ATXN7L3: variants seen among roughly 807,000 people sequenced by gnomAD.
The protein encoded by ATXN7L3 is ataxin-7-like protein 3.
Under a neutral mutation model 50.0 loss-of-function variants are expected in ATXN7L3, and 6 were observed. That is an observed-to-expected ratio of 0.12 (90% CI 0.07 to 0.24). The LOEUF is 0.24. ATXN7L3 is among the 10% of genes least tolerant of loss of function. ATXN7L3 has a pLI of 1.00. For synonymous variants in ATXN7L3, 198 were observed against 165.8 expected, an observed-to-expected ratio of 1.19 and a Z score of -1.49; for missense variants, 322 against 451.3, an observed-to-expected ratio of 0.71 and a Z score of 2.60.
chr17:44,194,443 A>G (rs889848943), intron 12 of ATXN7L3, 32 bp from the exon 13 acceptor site: 3 of 1,613,774 alleles, frequency 1.9e-6, no homozygotes, highest in African/African-American at 1.3e-5. Flanking sequence ...GGATGAGAGT[A>G]TGGTTATGGC....
chr17:44,197,464 T>A lies in ATXN7L3; in HGVS notation c.185-65A>T, dbSNP rs2055951547. 9.6e-6 allele frequency: 15 copies of A among 1,569,992 alleles called. No homozygotes were observed. The South Asian group carries it at 1.7e-4, about 17-fold the overall frequency. ...CCTCTCCTCTTGTTCCCACCTGGGG[T>A]CCCACGGCCTCTTCAATCCCTCCCC... On this transcript the variant is annotated intron_variant, in intron 3 of 12. Coordinates refer to ENST00000587097, the MANE Select transcript of ATXN7L3 (RefSeq NM_001382309.1).
At position 44,197,853 on chromosome 17, in the gene ATXN7L3, T is replaced by C. The variant is rs1045742812; in HGVS notation, c.52-123A>G. On this transcript the variant is annotated intron_variant, in intron 2 of 12. Transcript: ENST00000587097. ...TGCTTTCTTTGCCATTTTCCCCATC[T>C]TGACTTCGTGTTCTTTCTTCTTCCT... is the stretch of plus-strand genomic sequence containing the variant. 12 of 1,541,156 alleles carry C rather than the reference T, an allele frequency of 7.8e-6. No homozygotes were observed. In the African/African-American group the frequency reaches 1.5e-4, roughly 19 times the overall value.
rs1598193903 is a variant in ATXN7L3, at chr17:44,193,846, T to A, written c.*417A>T. The A allele has an allele frequency of 5.3e-6, 1 of 190,304 alleles. No homozygotes were observed. Among genetic ancestry groups the A allele is most frequent in the East Asian group, 1.5e-4 (1 of 6,642 alleles). 11.8% of individuals were successfully genotyped at this position (190,304 alleles called of 1,614,324 possible). ...CTGAGGGCGGCCGAGGCAGGCCCCC[T>A]CCAGGCTCAGCTTCCAACCCACAGC... On this transcript the variant is annotated 3_prime_UTR_variant, in exon 13 of 13. Transcript: ENST00000587097.
intron 6 of ATXN7L3, 137 bp downstream of exon 6, chr17:44,196,238 CTTCCCCACCCACACTCCCCCG>C: frequency 1.3e-6 from 1 of 768,470 alleles, no homozygotes; most frequent in Non-Finnish European, 2.1e-6. Flanking sequence ...CCCCACCCCC[CTTCCCCACCCACACTCCCCCG>C]CCCCGGACCC....
intron 1 of ATXN7L3, chr17:44,199,288 A>C: frequency 6.8e-6 from 1 of 147,594 alleles, no homozygotes; most frequent in East Asian, 2.2e-4. Flanking sequence ...TGCCCCGCCC[A>C]AGGGGGACCC....
intron 3 of ATXN7L3, 64 bp from the exon 4 acceptor site, chr17:44,197,463 G>A (rs2055951400): frequency 1.3e-6 from 2 of 1,571,426 alleles, no homozygotes; most frequent in Non-Finnish European, 1.7e-6. Context: ...CCCACCTGGG[G>A]TCCCACGGCC....
chr17:44,197,692 A>C lies in ATXN7L3; in HGVS notation c.90T>G (p.Asp30Glu). Reference sequence around the variant, plus strand: ...CCTCAAAGCAGAATCCCAAACAAGAATCCTCGACCAGGTCCGCGTATATCT... The same window carrying C: ...CCTCAAAGCAGAATCCCAAACAAGACTCCTCGACCAGGTCCGCGTATATCT... ...AQEIYADLVE[D>E]SCLGFCFEVH... is the part of the protein sequence containing the mutation. The change falls in exon 3 of 13, where the codon GAT becomes GAG. Residue 30 changes from aspartate to glutamate, a missense_variant. Asp to Glu is a conservative substitution (Grantham distance 45, BLOSUM62 2). Transcript: ENST00000587097. The C allele has an allele frequency of 6.2e-7, 1 of 1,614,230 alleles. No individual in the cohort carries two copies. The highest frequency in any genetic ancestry group is 8.5e-7 in the Non-Finnish European group (1 of 1,180,032).
At chr17:44,194,724 C>T in intron 11 of ATXN7L3, 44 bp downstream of exon 11, 2 of 1,613,720 alleles carry the variant, frequency 1.2e-6, no homozygotes, top group Non-Finnish European at 1.7e-6. Context: ...TGATCATCGC[C>T]CTAACTGGTC....
At chr17:44,195,914 T>C in intron 7 of ATXN7L3, 86 bp from the exon 8 acceptor site, 1 of 1,565,134 alleles carries the variant, frequency 6.4e-7, no homozygotes, top group Non-Finnish European at 8.7e-7. Context: ...GAAGTGGGGG[T>C]GACAGAAGGA....
In ATXN7L3 at chr17:44,195,446, C is replaced by T. The variant is rs369725338; in HGVS notation, c.594G>A (p.Pro198=). The T allele has an allele frequency of 7.6e-5, 122 of 1,613,976 alleles. No homozygotes were observed. The highest frequency in any genetic ancestry group is 6.6e-4 in the Middle Eastern group (4 of 6,082). Residue 198 remains proline (P), a synonymous_variant, in exon 9 of 13, where the codon CCG becomes CCA. Coordinates refer to ENST00000587097, the MANE Select transcript of ATXN7L3 (RefSeq NM_001382309.1). ...TGGTTAGCAGGCTGCGAAGCTCCTC[C>T]GGCCCCAGGGTCTCATAGCTGATCC... ...STGISYETLG[P]EELRSLLTTQ... is the part of the protein sequence containing the mutation.
At position 44,195,443 on chromosome 17, in the gene ATXN7L3, C is replaced by T. The variant is rs781259197; in HGVS notation, c.597G>A (p.Glu199=). 27 of 1,614,028 alleles carry T rather than the reference C, an allele frequency of 1.7e-5. No homozygotes were observed. Among genetic ancestry groups the T allele is most frequent in the African/African-American group, 1.6e-4 (12 of 74,912 alleles). Residue 199 remains glutamate (E), a synonymous_variant, in exon 9 of 13, where the codon GAG becomes GAA. Coordinates refer to ENST00000587097, the MANE Select transcript of ATXN7L3 (RefSeq NM_001382309.1). ...CCGTGGTTAGCAGGCTGCGAAGCTC[C>T]TCCGGCCCCAGGGTCTCATAGCTGA... ...TGISYETLGP[E]ELRSLLTTQC...
Position 44,194,813 on chromosome 17 carries a change from T to G in ATXN7L3, c.692A>C (p.Asp231Ala), listed in dbSNP as rs1350110132. The G allele has an allele frequency of 5.0e-6, 8 of 1,614,030 alleles. No individual in the cohort carries two copies. Among genetic ancestry groups the G allele is most frequent in the Non-Finnish European group, 4.2e-6 (5 of 1,180,012 alleles). ...AATCCGTACGGTTCGCCTCTGCTCA[T>G]CTGTGTGCTGTGGGCAGCGCAGGGA... is the stretch of plus-strand genomic sequence containing the variant. ...TRSLRCPQHT[D>A]EQRRTVRIYF... Residue 231 changes from aspartate to alanine, a missense_variant, in exon 11 of 13, where the codon GAT becomes GCT. This residue lies in a region of ATXN7L3 where 24 missense variants were observed against 52.6 expected (regional missense o/e 0.46). Transcript: ENST00000587097.
intron 2 of ATXN7L3, 132 bp downstream of exon 2, chr17:44,197,888 G>C (rs2055975696): frequency 6.6e-7 from 1 of 1,506,006 alleles, no homozygotes; most frequent in African/African-American, 1.4e-5. Context: ...TGGATCCTTG[G>C]CTTTTTCAGC....
Position 44,198,110 on chromosome 17 carries a change from G to C in ATXN7L3, c.-40C>G. 2 of 1,602,786 alleles carry C rather than the reference G, an allele frequency of 1.2e-6. No individual in the cohort carries two copies. Among genetic ancestry groups the C allele is most frequent in the Non-Finnish European group, 1.7e-6 (2 of 1,171,002 alleles). On this transcript the variant is annotated 5_prime_UTR_variant, in exon 2 of 13. Coordinates refer to ENST00000587097, the MANE Select transcript of ATXN7L3 (RefSeq NM_001382309.1). ...GGAGACGGCGCTCTGACTGCTCATA[G>C]CACAGCGGGCGGCAACACGGCTGCA...
At chr17:44,196,559 C>A in intron 5 of ATXN7L3, 141 bp from the exon 6 acceptor site, 2 of 1,035,542 alleles carry the variant, frequency 1.9e-6, no homozygotes, top group East Asian at 2.4e-5. Context: ...GCGGGCAGAT[C>A]ACGAGGTCAG....
intron 5 of ATXN7L3, 114 bp downstream of exon 5, chr17:44,196,815 G>GT (rs2144485314): frequency 3.2e-6 from 2 of 634,204 alleles, no homozygotes; most frequent in Non-Finnish European, 2.8e-6. Context: ...AGGAAATCGC[G>GT]TAACTACACT....
chr17:44,195,207 T>C, intron 9 of ATXN7L3, 67 bp from the exon 10 acceptor site: 1 of 1,543,430 alleles, frequency 6.5e-7, no homozygotes. Context: ...GATGTTTCTT[T>C]CTGTATAAAT....
intron 2 of ATXN7L3, 110 bp downstream of exon 2, chr17:44,197,910 T>G: frequency 6.6e-7 from 1 of 1,521,224 alleles, no homozygotes; most frequent in Non-Finnish European, 9.1e-7. Flanking sequence ...GGCTATTCCC[T>G]TTAAGGAACA....
chr17:44,197,893 T>C (rs2055976003), intron 2 of ATXN7L3, 127 bp downstream of exon 2: 2 of 1,509,320 alleles, frequency 1.3e-6, no homozygotes, highest in African/African-American at 1.4e-5. Flanking sequence ...CCTTGGCTTT[T>C]TCAGCTGGCT....
Sources: gnomAD v4.1 joint callset for allele counts on GRCh38, gnomAD v4.1.1 for gene constraint, gnomAD v4.1.1 regional missense constraint, MANE v1.5 for transcripts, NCBI Gene and HGNC (gene_info 2026-07-23, HGNC 2026-07-21) for gene names.